CSMD1: variants seen among roughly 807,000 people sequenced by gnomAD.
CSMD1 encodes CUB and sushi domain-containing protein 1.
In CSMD1, 213 loss-of-function variants were observed where a neutral mutation model predicts 417.5. The observed-to-expected ratio is 0.51, with a 90% CI of 0.46 to 0.57. CSMD1 has a LOEUF of 0.57. Ranked by LOEUF, CSMD1 falls within the 20% of genes least tolerant of loss-of-function variation. The pLI, the probability that CSMD1 is intolerant of heterozygous loss-of-function variation, is 0.00. For missense variants in CSMD1, 6,923 were observed against 4,529.7 expected, an observed-to-expected ratio of 1.53 and a Z score of -15.17; for synonymous variants, 2,862 against 1,736.8, an observed-to-expected ratio of 1.65 and a Z score of -16.11.
At chr8:4,752,311 G>T (rs77944935) in intron 1 of CSMD1, among the ~76,000 whole-genome samples, 1,825 of 152,124 alleles carry the variant, frequency 0.012, 27 homozygotes, top group African/African-American at 0.042. Context: ...CTTTCACCTT[G>T]CTTGAAATTG....
intron 1 of CSMD1, among the ~76,000 whole-genome samples, chr8:4,793,282 G>T: frequency 6.6e-6 from 1 of 152,048 alleles, no homozygotes; most frequent in East Asian, 1.9e-4. Context: ...TTTTAGGCTG[G>T]AAAAATAGAA....
intron 5 of CSMD1, among the ~76,000 whole-genome samples, chr8:3,963,942 G>C (rs1812503108): frequency 6.6e-6 from 1 of 152,120 alleles, no homozygotes; most frequent in Admixed American, 6.5e-5. Flanking sequence ...AGAAGAAAAA[G>C]AAGAAAAAGT....
chr8:3,668,283 T>C (rs1422799462), intron 7 of CSMD1, among the ~76,000 whole-genome samples: 3 of 152,064 alleles, frequency 2.0e-5, no homozygotes, highest in South Asian at 4.2e-4. Context: ...GATGGCCCTG[T>C]GTAAAGGAAG....
chr8:3,847,063 C>T (rs1317198234), intron 5 of CSMD1, among the ~76,000 whole-genome samples: 3 of 152,100 alleles, frequency 2.0e-5, no homozygotes, highest in Non-Finnish European at 4.4e-5. Flanking sequence ...TTTAGAAGCC[C>T]TTCCAGGGTG....
At chr8:4,038,120 A>G (rs1456077773) in intron 3 of CSMD1, among the ~76,000 whole-genome samples, 4 of 152,292 alleles carry the variant, frequency 2.6e-5, no homozygotes, top group African/African-American at 9.6e-5. Context: ...TCTACCATTT[A>G]AGGTTTAAAG....
chr8:3,565,177 GAA>G (rs1799648231), intron 10 of CSMD1, among the ~76,000 whole-genome samples: 1 of 44,642 alleles, frequency 2.2e-5, no homozygotes, highest in Non-Finnish European at 4.6e-5. Context: ...GATCAAGAAA[GAA>G]AGAAAGATAC....
intron 3 of CSMD1, among the ~76,000 whole-genome samples, chr8:4,209,574 C>T (rs529780403): frequency 5.9e-5 from 9 of 152,300 alleles, no homozygotes; most frequent in Admixed American, 3.3e-4. Flanking sequence ...TGGCATTTGT[C>T]CACCTGCCTT....
intron 1 of CSMD1, among the ~76,000 whole-genome samples, chr8:4,765,630 A>T (rs1187706671): frequency 6.6e-6 from 1 of 152,238 alleles, no homozygotes; most frequent in Admixed American, 6.5e-5. Context: ...TGCAAGGCAG[A>T]AAACTGCTCA....
intron 26 of CSMD1, 59 bp from the exon 27 acceptor site, chr8:3,230,290 TCGGTGTG>T: frequency 7.3e-7 from 1 of 1,363,654 alleles, no homozygotes; most frequent in Non-Finnish European, 9.8e-7. Context: ...CACATTCTTG[TCGGTGTG>T]GTTGTTCTTG....
intron 3 of CSMD1, among the ~76,000 whole-genome samples, chr8:4,153,857 G>C (rs974640017): frequency 1.3e-5 from 2 of 152,224 alleles, no homozygotes; most frequent in South Asian, 2.1e-4. Context: ...CCGTAGCTAT[G>C]TGGCTTTCCT....
chr8:3,590,089 A>C (rs1800781964), intron 8 of CSMD1, among the ~76,000 whole-genome samples: 2 of 152,184 alleles, frequency 1.3e-5, no homozygotes, highest in South Asian at 4.2e-4. Context: ...TATATGTAGC[A>C]ATAAAGAAAA....
chr8:4,727,244 C>G (rs1263928435), intron 1 of CSMD1, among the ~76,000 whole-genome samples: 3 of 152,270 alleles, frequency 2.0e-5, no homozygotes, highest in African/African-American at 7.2e-5. Context: ...CCAAGCATTT[C>G]TGTTTTCACA....
At chr8:4,738,317 G>A (rs1810373557) in intron 1 of CSMD1, among the ~76,000 whole-genome samples, 1 of 152,110 alleles carries the variant, frequency 6.6e-6, no homozygotes, top group Non-Finnish European at 1.5e-5. Flanking sequence ...CATCTTAATT[G>A]ACTAACATTT....
intron 1 of CSMD1, among the ~76,000 whole-genome samples, chr8:4,662,746 C>T (rs1804677839): frequency 6.6e-6 from 1 of 152,190 alleles, no homozygotes; most frequent in African/African-American, 2.4e-5. Flanking sequence ...CCTCCTGCTC[C>T]ACCGTTCCTA....
intron 2 of CSMD1, among the ~76,000 whole-genome samples, chr8:4,560,129 T>G (rs544552966): frequency 6.6e-6 from 1 of 152,306 alleles, no homozygotes; most frequent in East Asian, 1.9e-4. Context: ...TCCAAGCTGC[T>G]CCAGGAAGCA....
chr8:3,499,007 G>C (rs1796482233), intron 10 of CSMD1, among the ~76,000 whole-genome samples: 1 of 152,070 alleles, frequency 6.6e-6, no homozygotes, highest in Admixed American at 6.6e-5. Flanking sequence ...TTTTCTTTGG[G>C]ATATGGAATT....
At position 3,126,399 on chromosome 8, in the gene CSMD1, T is replaced by C. The variant is rs142321639; in HGVS notation, c.6242-7812A>G. Among the ~76,000 whole-genome samples the C allele has an allele frequency of 3.7e-3, 564 of 152,250 alleles. 2 individuals are homozygous for C. The highest frequency in any genetic ancestry group is 4.5e-3 in the Non-Finnish European group (305 of 68,024). ...GGCTACTGCTTCTGGTGGTGGGAAT[T>C]AGGGTGAATCACTCTAAGAAAAGGG... On this transcript the variant is annotated intron_variant, in intron 41 of 69. Transcript: ENST00000635120.
intron 5 of CSMD1, among the ~76,000 whole-genome samples, chr8:3,791,549 C>T (rs975898292): frequency 1.3e-5 from 2 of 152,212 alleles, no homozygotes; most frequent in Non-Finnish European, 2.9e-5. Context: ...ACAGGCCGGG[C>T]ATGGTGGCTC....
At position 4,051,855 on chromosome 8, in the gene CSMD1, T is replaced by TTTC. The variant is rs1171604026; in HGVS notation, c.416-19757_416-19756insGAA. On this transcript the variant is annotated intron_variant, in intron 3 of 69. Coordinates refer to ENST00000635120, the MANE Select transcript of CSMD1 (RefSeq NM_033225.6). The stretch of plus-strand genomic sequence containing the variant: ...TCTTTCTTTTCTTTCTTTTCTTTTC[T>TTTC]CTTTCTTTCTTTCCTTCCTCCTTTC... Among the ~76,000 whole-genome samples the TTTC allele has an allele frequency of 1.7e-3, 29 of 17,372 alleles. 1 individual carries two copies. The highest frequency in any genetic ancestry group is 0.05 in the Middle Eastern group (1 of 20). 11.4% of individuals were successfully genotyped at this position (17,372 alleles called of 152,430 possible). A position where few individuals can be genotyped will look rare whatever the true frequency, so the allele number is the denominator to read the frequency against.
Sources: allele counts gnomAD v4.1 joint callset (sites outside exome capture counted in the v4.1 genomes callset), GRCh38; gene constraint gnomAD v4.1.1; transcripts MANE v1.5; gene names NCBI Gene and HGNC (gene_info 2026-07-23, HGNC 2026-07-21).